Variants in LRRIQ3 observed in about 807,000 individuals in gnomAD.
The protein encoded by LRRIQ3 is leucine-rich repeat and IQ domain-containing protein 3.
Under a neutral mutation model 59.3 loss-of-function variants are expected in LRRIQ3, and 75 were observed. The observed-to-expected ratio is 1.26, with a 90% CI of 1.05 to 1.53. The LOEUF is 1.53. Ranked by LOEUF, LRRIQ3 falls within the 40% of genes most tolerant of loss-of-function variation. LRRIQ3 has a pLI of 0.00. For synonymous variants in LRRIQ3, 250 were observed against 231.3 expected, an observed-to-expected ratio of 1.08 and a Z score of -0.73; for missense variants, 831 against 710.0, an observed-to-expected ratio of 1.17 and a Z score of -1.94.
rs1350668049 is a variant in LRRIQ3, at chr1:74,043,913, A to G, written c.998-1980T>C. On this transcript the variant is annotated intron_variant, in intron 6 of 7. Transcript: ENST00000354431. The stretch of plus-strand genomic sequence containing the variant: ...TTATCATCATTGGGCCTTTGCTTCT[A>G]TTATTTTAAGTTTTGCTCAGTATGC... Among the ~76,000 whole-genome samples, 12 of 152,152 alleles carry G rather than the reference A, an allele frequency of 7.9e-5. No individual in the cohort carries two copies. The South Asian group carries it at 2.1e-3, about 26-fold the overall frequency.
intron 1 of LRRIQ3, among the ~76,000 whole-genome samples, chr1:74,193,159 T>C (rs938359102): frequency 2.0e-5 from 3 of 152,218 alleles, no homozygotes. Context: ...TCATTCATTT[T>C]AGACTTTGAT....
At chr1:74,097,874 C>G in intron 5 of LRRIQ3, among the ~76,000 whole-genome samples, 1 of 152,094 alleles carries the variant, frequency 6.6e-6, no homozygotes, top group East Asian at 1.9e-4. Flanking sequence ...TTGTCACCAC[C>G]AGGCCTGCCC....
intron 5 of LRRIQ3, among the ~76,000 whole-genome samples, chr1:74,092,190 G>A (rs1247195322): frequency 6.6e-6 from 1 of 151,954 alleles, no homozygotes; most frequent in East Asian, 1.9e-4. Flanking sequence ...TTTGACTGGA[G>A]GTCATGTTCA....
intron 5 of LRRIQ3, among the ~76,000 whole-genome samples, chr1:74,080,538 C>A (rs1367171567): frequency 6.6e-6 from 1 of 151,696 alleles, no homozygotes; most frequent in Non-Finnish European, 1.5e-5. Context: ...TTACACTGAA[C>A]TCTGCTGTCT....
chr1:74,139,532 C>T (rs1461100139), intron 4 of LRRIQ3, among the ~76,000 whole-genome samples: 3 of 151,918 alleles, frequency 2.0e-5, no homozygotes, highest in Non-Finnish European at 4.4e-5. Context: ...GCACTTATGA[C>T]TCACCTAAAC....
chr1:74,035,017 G>C (rs1653827538), intron 7 of LRRIQ3, among the ~76,000 whole-genome samples: 1 of 151,978 alleles, frequency 6.6e-6, no homozygotes, highest in Admixed American at 6.6e-5. Context: ...GAAAGACTTT[G>C]AAAGGGTAAA....
chr1:74,187,898 G>A (rs1650509537), intron 1 of LRRIQ3, among the ~76,000 whole-genome samples: 1 of 152,116 alleles, frequency 6.6e-6, no homozygotes, highest in Admixed American at 6.6e-5. Flanking sequence ...AACAACATTT[G>A]ACCCAGCAAT....
At chr1:74,144,549 TAAA>T (rs5775227) in intron 4 of LRRIQ3, 2,351 of 139,180 alleles carry the variant, frequency 0.017, 21 homozygotes, top group Admixed American at 0.055. Flanking sequence ...TAACAGTCTG[TAAA>T]AAAAAAAAAA....
intron 6 of LRRIQ3, among the ~76,000 whole-genome samples, chr1:74,072,892 C>T (rs1655066632): frequency 6.6e-6 from 1 of 151,938 alleles, no homozygotes; most frequent in South Asian, 2.1e-4. Context: ...ATAATTCATA[C>T]ATATATATTA....
chr1:74,042,853 A>G (rs1570014952), intron 6 of LRRIQ3, among the ~76,000 whole-genome samples: 1 of 151,970 alleles, frequency 6.6e-6, no homozygotes, highest in East Asian at 1.9e-4. Context: ...TGTCCAAGAG[A>G]TTGTTTTAAG....
intron 3 of LRRIQ3, among the ~76,000 whole-genome samples, chr1:74,160,874 G>A (rs141233393): frequency 0.01 from 1,574 of 152,028 alleles, 31 homozygotes; most frequent in Non-Finnish European, 0.011. Flanking sequence ...AAACATAGAG[G>A]GTTTTGCAGA....
intron 5 of LRRIQ3, among the ~76,000 whole-genome samples, chr1:74,101,241 G>A (rs2100542707): frequency 6.6e-6 from 1 of 152,190 alleles, no homozygotes; most frequent in South Asian, 2.1e-4. Context: ...ATCAAAAAGT[G>A]GGCAATGGAT....
intron 4 of LRRIQ3, among the ~76,000 whole-genome samples, chr1:74,114,161 C>CA (rs1430540146): frequency 1.3e-5 from 2 of 151,570 alleles, no homozygotes; most frequent in African/African-American, 4.8e-5. Flanking sequence ...CTCAAATCCA[C>CA]AAAAATAAAG....
intron 4 of LRRIQ3, among the ~76,000 whole-genome samples, chr1:74,128,425 G>C (rs1434367318): frequency 6.6e-6 from 1 of 152,010 alleles, no homozygotes; most frequent in Non-Finnish European, 1.5e-5. Context: ...TTCAACTCCA[G>C]AGTTTTTGCT....
At chr1:74,106,533 T>C (rs1347536067) in intron 5 of LRRIQ3, among the ~76,000 whole-genome samples, 1 of 151,946 alleles carries the variant, frequency 6.6e-6, no homozygotes, top group African/African-American at 2.4e-5. Context: ...GAAAGAAGAC[T>C]ATTTATGCCA....
chr1:74,166,820 A>C (rs1200137734), intron 3 of LRRIQ3, among the ~76,000 whole-genome samples: 2 of 152,018 alleles, frequency 1.3e-5, no homozygotes, highest in East Asian at 3.9e-4. Context: ...AAAAGAAGAT[A>C]TACAAATGGC....
chr1:74,081,788 C>T (rs1471313318), intron 5 of LRRIQ3: 1 of 151,286 alleles, frequency 6.6e-6, no homozygotes, highest in Non-Finnish European at 1.5e-5. Flanking sequence ...AAAAATAATT[C>T]TATATCTTTA....
At chr1:74,065,041 G>C in intron 6 of LRRIQ3, among the ~76,000 whole-genome samples, 1 of 151,768 alleles carries the variant, frequency 6.6e-6, no homozygotes, top group East Asian at 1.9e-4. Flanking sequence ...TCTTCACCTA[G>C]TTCTCCCATT....
intron 4 of LRRIQ3, among the ~76,000 whole-genome samples, chr1:74,153,061 A>G (rs1467506482): frequency 1.3e-5 from 2 of 152,154 alleles, no homozygotes; most frequent in East Asian, 3.8e-4. Flanking sequence ...CATATATTGC[A>G]CATTCAATAA....
Sources: allele counts gnomAD v4.1 joint callset (sites outside exome capture counted in the v4.1 genomes callset), GRCh38; gene constraint gnomAD v4.1.1; transcripts MANE v1.5; gene names NCBI Gene and HGNC (gene_info 2026-07-23, HGNC 2026-07-21).